The following VPS37A variants were observed in gnomAD, a reference collection of about 807,000 sequenced individuals.
VPS37A encodes vacuolar protein sorting-associated protein 37A.
A neutral mutation model predicts 49.8 loss-of-function variants in VPS37A; 30 were observed. That is an observed-to-expected ratio of 0.60 (90% CI 0.45 to 0.82). The LOEUF is 0.82. Among genes scored for constraint, VPS37A ranks in the 40% least tolerant of loss-of-function variants. The probability of loss-of-function intolerance (pLI) is 0.00; values close to 1 mark genes in which losing one functional copy is unlikely to be tolerated. For synonymous variants in VPS37A, 195 were observed against 160.6 expected, an observed-to-expected ratio of 1.21 and a Z score of -1.62; for missense variants, 593 against 464.4, an observed-to-expected ratio of 1.28 and a Z score of -2.55.
chr8:17,255,674 T>A (rs114511273), intron 1 of VPS37A, among the ~76,000 whole-genome samples: 1 of 152,176 alleles, frequency 6.6e-6, no homozygotes, highest in African/African-American at 2.4e-5. Context: ...CAACTGTATA[T>A]TTAAACTCAC....
intron 1 of VPS37A, chr8:17,248,388 C>T (rs754911011): frequency 4.4e-6 from 2 of 455,576 alleles, no homozygotes; most frequent in African/African-American, 4.0e-5. Context: ...CCTCAGCTCC[C>T]CACACCCCTC....
chr8:17,300,339 G>C (rs1357466361), downstream of VPS37A: 7 of 1,150,528 alleles, frequency 6.1e-6, no homozygotes, highest in African/African-American at 4.7e-5. Flanking sequence ...AAGAACATGT[G>C]ACTCAGAGGG....
At chr8:17,280,580 G>C (rs187621481) in intron 9 of VPS37A, 137 bp downstream of exon 9, 3 of 723,904 alleles carry the variant, frequency 4.1e-6, no homozygotes, top group Middle Eastern at 4.1e-4. Context: ...ACCTTTAAAC[G>C]TGGATGAACA....
chr8:17,309,847 A>G, the VPS37A span, among the ~76,000 whole-genome samples: 1 of 152,166 alleles, frequency 6.6e-6, no homozygotes, highest in South Asian at 2.1e-4. Context: ...TCTTTTCTAC[A>G]CATTATAAGA....
intron 4 of VPS37A, among the ~76,000 whole-genome samples, chr8:17,270,051 A>G (rs925477362): frequency 2.0e-5 from 3 of 151,986 alleles, no homozygotes; most frequent in Admixed American, 2.0e-4. Flanking sequence ...GGAGTGGGGG[A>G]GGTACCACAC....
the VPS37A span, among the ~76,000 whole-genome samples, chr8:17,307,608 T>A: frequency 1.3e-5 from 2 of 152,218 alleles, no homozygotes; most frequent in Non-Finnish European, 2.9e-5. Context: ...GCGGCACTAT[T>A]CACAATAGCA....
At chr8:17,326,022 G>A in the VPS37A span, among the ~76,000 whole-genome samples, 1 of 152,198 alleles carries the variant, frequency 6.6e-6, no homozygotes, top group Non-Finnish European at 1.5e-5. Flanking sequence ...AAGTGGGGAA[G>A]ATATGTTGCT....
intron 4 of VPS37A, among the ~76,000 whole-genome samples, chr8:17,272,894 G>A (rs1285852011): frequency 6.6e-6 from 1 of 151,612 alleles, no homozygotes; most frequent in African/African-American, 2.4e-5. Context: ...TTCCTCATTA[G>A]CATCTAAAGT....
chr8:17,314,684 A>T, the VPS37A span, among the ~76,000 whole-genome samples: 1 of 152,228 alleles, frequency 6.6e-6, no homozygotes, highest in African/African-American at 2.4e-5. Context: ...AATAACACCA[A>T]AATTCCCAGC....
chr8:17,277,778 G>A (rs7007448), intron 6 of VPS37A, among the ~76,000 whole-genome samples: 68,745 of 151,138 alleles, frequency 0.45, 16,096 homozygotes, highest in East Asian at 0.71. Context: ...GATTCAAAAC[G>A]AGTTCCACCT....
chr8:17,263,148 T>C lies in VPS37A; in HGVS notation c.126-2759T>C, dbSNP rs185067747. On this transcript the variant is annotated intron_variant, in intron 1 of 11. Coordinates refer to ENST00000324849, the MANE Select transcript of VPS37A (RefSeq NM_152415.3). ...AGTGAGAAAAGAGTAACTTACAAAA[T>C]TGATGTACAGTGTAATTATATTTTT... Among the ~76,000 whole-genome samples the C allele has an allele frequency of 7.8e-4, 118 of 152,156 alleles. 1 individual carries two copies. The highest frequency in any genetic ancestry group is 3.5e-3 in the Middle Eastern group (1 of 288).
At chr8:17,268,065 C>G (rs530805963) in intron 2 of VPS37A, among the ~76,000 whole-genome samples, 193 bp from the exon 3 acceptor site, 14 of 152,294 alleles carry the variant, frequency 9.2e-5, no homozygotes, top group South Asian at 2.1e-4. Context: ...CGTTGAATGA[C>G]TAGTCTTGTT....
At chr8:17,290,188 A>G (rs374431764) in intron 11 of VPS37A, among the ~76,000 whole-genome samples, 1 of 152,028 alleles carries the variant, frequency 6.6e-6, no homozygotes, top group Non-Finnish European at 1.5e-5. Context: ...GAATACCTTT[A>G]TTTCTTTTTC....
chr8:17,282,578 A>G (rs753329458), intron 9 of VPS37A, among the ~76,000 whole-genome samples: 2 of 152,206 alleles, frequency 1.3e-5, no homozygotes, highest in African/African-American at 4.8e-5. Context: ...TTTTTAGCCT[A>G]TACAACAAAT....
chr8:17,322,448 C>A, the VPS37A span, among the ~76,000 whole-genome samples: 24 of 152,198 alleles, frequency 1.6e-4, no homozygotes, highest in Admixed American at 3.3e-4. Context: ...ATCATGGTAA[C>A]CTGTACTATC....
At chr8:17,286,056 A>T (rs1197746563) in intron 10 of VPS37A, among the ~76,000 whole-genome samples, 2 of 152,174 alleles carry the variant, frequency 1.3e-5, no homozygotes, top group Non-Finnish European at 2.9e-5. Context: ...GTGGATTATG[A>T]GAAGGGAGCA....
the VPS37A span, among the ~76,000 whole-genome samples, chr8:17,327,303 C>T: frequency 1.2e-4 from 18 of 152,122 alleles, no homozygotes; most frequent in Non-Finnish European, 2.4e-4. Flanking sequence ...GAGCCTAACT[C>T]TCTGTCACCC....
At chr8:17,304,355 C>T, downstream of VPS37A, 2 of 1,603,962 alleles carry the variant, frequency 1.2e-6, no homozygotes, top group East Asian at 4.5e-5. Context: ...ACCATGGCTA[C>T]AAAGTTACCA....
chr8:17,276,609 A>G lies in VPS37A; in HGVS notation c.713+142A>G, dbSNP rs1447159375. 3.7e-6 allele frequency: 3 copies of G among 816,392 alleles called. No individual in the cohort carries two copies. The African/African-American group carries it at 5.3e-5, about 14-fold the overall frequency. The allele number at this position is 816,392 out of a possible 1,614,324, so 50.6% of individuals were successfully genotyped here. ...ATTGTTGTTGCCTTAGTGGGATTTA[A>G]AAATCAGTTTTAGGTCCTATAGGTT... On this transcript the variant is annotated intron_variant, in intron 6 of 11. Transcript: ENST00000324849.
Sources: allele counts gnomAD v4.1 joint callset (sites outside exome capture counted in the v4.1 genomes callset), GRCh38; gene constraint gnomAD v4.1.1; transcripts MANE v1.5; gene names NCBI Gene and HGNC (gene_info 2026-07-23, HGNC 2026-07-21).